The following FAM124B variants were observed in gnomAD, a reference collection of about 807,000 sequenced individuals.
FAM124B encodes the protein family with sequence similarity 124 member B, also known as protein FAM124B.
A neutral mutation model predicts 19.7 loss-of-function variants in FAM124B; 18 were observed. The observed-to-expected ratio is 0.92, with a 90% CI of 0.63 to 1.36. The LOEUF (loss-of-function observed/expected upper bound fraction) is 1.36. Ranked by LOEUF, FAM124B falls within the 40% of genes most tolerant of loss-of-function variation. FAM124B has a pLI of 0.00. For missense variants in FAM124B, 540 were observed against 553.3 expected, an observed-to-expected ratio of 0.98 and a Z score of 0.24; for synonymous variants, 223 against 225.2, an observed-to-expected ratio of 0.99 and a Z score of 0.09.
chr2:224,384,209 T>C (rs1424583423), intron 1 of FAM124B, among the ~76,000 whole-genome samples: 1 of 152,138 alleles, frequency 6.6e-6, no homozygotes, highest in Non-Finnish European at 1.5e-5. Flanking sequence ...GTCCCATCTT[T>C]GAAAGATTCT....
At chr2:224,400,980 A>C (rs1322112891) in intron 1 of FAM124B, 57 bp downstream of exon 1, 1 of 1,526,690 alleles carries the variant, frequency 6.6e-7, no homozygotes, top group African/African-American at 1.4e-5. Flanking sequence ...GCCCATTCCG[A>C]TGTAAAATTA....
At chr2:224,384,221 T>C (rs1040960228) in intron 1 of FAM124B, among the ~76,000 whole-genome samples, 6 of 152,164 alleles carry the variant, frequency 3.9e-5, no homozygotes, top group African/African-American at 1.2e-4. Flanking sequence ...AAAGATTCTA[T>C]TTAAGCCAGG....
intron 1 of FAM124B, among the ~76,000 whole-genome samples, chr2:224,396,253 T>C (rs1036223424): frequency 2.0e-5 from 3 of 152,028 alleles, no homozygotes; most frequent in African/African-American, 7.2e-5. Flanking sequence ...CCTCAGGAAG[T>C]TTGCTGAGCA....
At chr2:224,384,126 C>T (rs923068500) in intron 1 of FAM124B, among the ~76,000 whole-genome samples, 3 of 152,172 alleles carry the variant, frequency 2.0e-5, no homozygotes, top group Non-Finnish European at 4.4e-5. Context: ...CTGGGCCAGC[C>T]CAGCTCACCC....
At chr2:224,383,457 TCTTC>T (rs1321767732) in intron 1 of FAM124B, among the ~76,000 whole-genome samples, 1 of 152,090 alleles carries the variant, frequency 6.6e-6, no homozygotes, top group Non-Finnish European at 1.5e-5. Context: ...TCCCCTCCTT[TCTTC>T]CTTCTCTCCT....
chr2:224,391,375 T>C (rs960204789), intron 1 of FAM124B, among the ~76,000 whole-genome samples: 2 of 151,060 alleles, frequency 1.3e-5, no homozygotes, highest in Non-Finnish European at 2.9e-5. Context: ...AAACGTTCGT[T>C]GGTAATCTTG....
chr2:224,379,983 AC>A lies in FAM124B; in HGVS notation c.957del (p.Ser320HisfsTer26). ...CAGTSWKSPG[R>X]SFQVSSPAMG... The stretch of plus-strand genomic sequence containing the variant: ...ATAGCTGGGCTGCTGACCTGGAATG[AC>A]CGGCCAGGGCTTTTCCACGAAGTGC... On this transcript the variant is annotated frameshift_variant, in exon 2 of 2. Transcript: ENST00000409685. LOFTEE classifies it low-confidence loss of function (END_TRUNC). 6.4e-7 allele frequency: 1 copy of A among 1,551,718 alleles called. No individual in the cohort carries two copies. The highest frequency in any genetic ancestry group is 8.7e-7 in the Non-Finnish European group (1 of 1,146,992).
At chr2:224,392,482 T>C (rs986064078) in intron 1 of FAM124B, among the ~76,000 whole-genome samples, 3 of 151,988 alleles carry the variant, frequency 2.0e-5, no homozygotes, top group African/African-American at 7.3e-5. Flanking sequence ...AGGCCAGGCA[T>C]GGTGGCTCAT....
intron 1 of FAM124B, among the ~76,000 whole-genome samples, chr2:224,400,676 C>T (rs1277975086): frequency 6.6e-6 from 1 of 151,948 alleles, no homozygotes; most frequent in Non-Finnish European, 1.5e-5. Flanking sequence ...GAAAGGAGGC[C>T]GATTCTTTAA....
chr2:224,401,472 G>T lies in FAM124B; in HGVS notation c.297C>A (p.Thr99=). 6.2e-7 allele frequency: 1 copy of T among 1,614,104 alleles called. No homozygotes were observed. Among genetic ancestry groups the T allele is most frequent in the Non-Finnish European group, 8.5e-7 (1 of 1,180,024 alleles). Residue 99 remains threonine (T), a synonymous_variant, in exon 1 of 2, where the codon ACC becomes ACA. Coordinates refer to ENST00000409685, the MANE Select transcript of FAM124B (RefSeq NM_001122779.2). ...GACACAGCCTTCCCCGAGTGTCCTG[G>T]GTGGGGTAGCACTGCCATGGCGAAT... The part of the protein sequence containing the change: ...LQHSPWQCYP[T]QDTRGRLCPY...
At chr2:224,397,713 TTA>T (rs1574577231) in intron 1 of FAM124B, among the ~76,000 whole-genome samples, 5 of 152,214 alleles carry the variant, frequency 3.3e-5, no homozygotes, top group Admixed American at 3.3e-4. Flanking sequence ...GTGACTCTCA[TTA>T]TGTTTTAGCA....
chr2:224,391,341 C>CA (rs754536476), intron 1 of FAM124B, among the ~76,000 whole-genome samples: 4,889 of 67,104 alleles, frequency 0.073, 104 homozygotes, highest in Middle Eastern at 0.14. Flanking sequence ...ACTCTTGTCT[C>CA]AAAAAAAAAA....
Position 224,379,705 on chromosome 2 carries a change from C to T in FAM124B, c.1236G>A (p.Lys412=), listed in dbSNP as rs1419517022. The part of the protein sequence containing the change: ...VATSKNNSVL[K]ERVSPLPLAG... ...CAAGTGGCAAAGGAGAGACTCTTTC[C>T]TTAAGGACACTGTTGTTTTTGGAGG... is the stretch of plus-strand genomic sequence containing the variant. Residue 412 remains lysine (K), a synonymous_variant, in exon 2 of 2, where the codon AAG becomes AAA. Transcript: ENST00000409685. 7.7e-6 allele frequency: 12 copies of T among 1,551,642 alleles called. No individual in the cohort carries two copies. Among genetic ancestry groups the T allele is most frequent in the Non-Finnish European group, 1.0e-5 (12 of 1,146,980 alleles).
intron 1 of FAM124B, among the ~76,000 whole-genome samples, chr2:224,383,822 T>C (rs770682150): frequency 2.6e-5 from 4 of 152,224 alleles, no homozygotes; most frequent in Admixed American, 2.6e-4. Context: ...CCTTGTATCA[T>C]AATGTACCTT....
chr2:224,396,831 A>C (rs897282432), intron 1 of FAM124B, among the ~76,000 whole-genome samples: 1 of 152,218 alleles, frequency 6.6e-6, no homozygotes. Context: ...CACATGAAGG[A>C]TGTAACCCTC....
At position 224,401,385 on chromosome 2, in the gene FAM124B, C is replaced by G; in HGVS notation, c.384G>C (p.Val128=). The change falls in exon 1 of 2, where the codon GTG becomes GTC. Residue 128 remains valine (V), a synonymous_variant. Transcript: ENST00000409685. ...TCTCGGAGCCACAGTGCACCTGCCT[C>G]ACCCCCCAGATGGGCAGCTGACTGT... ...SLDSQLPIWG[V]RQVHCGSEIL... The G allele has an allele frequency of 6.2e-7, 1 of 1,614,128 alleles. No individual in the cohort carries two copies. Among genetic ancestry groups the G allele is most frequent in the East Asian group, 2.2e-5 (1 of 44,884 alleles).
chr2:224,381,836 C>T (rs993973378), intron 1 of FAM124B, among the ~76,000 whole-genome samples: 3 of 152,188 alleles, frequency 2.0e-5, no homozygotes, highest in Admixed American at 2.0e-4. Context: ...TGTGAACCTA[C>T]CACTGCTGTA....
chr2:224,400,521 A>G (rs1391781836), intron 1 of FAM124B: 2 of 688,422 alleles, frequency 2.9e-6, no homozygotes, highest in Middle Eastern at 3.6e-4. Context: ...AAATAAAAAA[A>G]TTAAAAATTA....
At chr2:224,382,636 C>T (rs998752396) in intron 1 of FAM124B, among the ~76,000 whole-genome samples, 20 of 152,010 alleles carry the variant, frequency 1.3e-4, no homozygotes, top group Non-Finnish European at 2.6e-4. Flanking sequence ...CTCAAACTCC[C>T]AACCTAAGGT....
Sources: gnomAD v4.1 joint callset for allele counts (sites outside exome capture counted in the v4.1 genomes callset) on GRCh38, gnomAD v4.1.1 for gene constraint, MANE v1.5 for transcripts, NCBI Gene and HGNC (gene_info 2026-07-23, HGNC 2026-07-21) for gene names.